RBMS3: variants seen among roughly 807,000 people sequenced by gnomAD.
RBMS3 encodes RNA-binding motif, single-stranded-interacting protein 3.
A neutral mutation model predicts 66.8 loss-of-function variants in RBMS3; 27 were observed. That is an observed-to-expected ratio of 0.40 (90% CI 0.30 to 0.56). The LOEUF (loss-of-function observed/expected upper bound fraction) is 0.56. Ranked by LOEUF, RBMS3 falls within the 20% of genes least tolerant of loss-of-function variation. The probability of loss-of-function intolerance (pLI) is 0.40; values close to 1 mark genes in which losing one functional copy is unlikely to be tolerated. For synonymous variants in RBMS3, 188 were observed against 183.0 expected (o/e 1.03, Z -0.22); for missense variants, 513 against 549.5 (o/e 0.93, Z 0.66).
chr3:29,572,396 C>T (rs1025150044), intron 3 of RBMS3, among the ~76,000 whole-genome samples: 3 of 151,994 alleles, frequency 2.0e-5, no homozygotes, highest in South Asian at 2.1e-4. Flanking sequence ...TAATACTAGT[C>T]ATGGGTCTGT....
chr3:29,841,738 T>C (rs2058668214), intron 6 of RBMS3, among the ~76,000 whole-genome samples: 1 of 152,080 alleles, frequency 6.6e-6, no homozygotes, highest in Non-Finnish European at 1.5e-5. Flanking sequence ...TTCTGTGGTT[T>C]CAAAAAGCTC....
chr3:29,477,480 C>T (rs2042986363), intron 2 of RBMS3, among the ~76,000 whole-genome samples: 1 of 148,948 alleles, frequency 6.7e-6, no homozygotes, highest in Non-Finnish European at 1.5e-5. Flanking sequence ...AACAAACAAA[C>T]AAAATTATGC....
intron 10 of RBMS3, among the ~76,000 whole-genome samples, chr3:29,901,006 A>C (rs1178632996): frequency 1.3e-5 from 2 of 151,458 alleles, no homozygotes; most frequent in African/African-American, 2.4e-5. Flanking sequence ...TGCTCCAAAC[A>C]TTTTGATAGT....
At chr3:29,774,487 A>G (rs1461530066) in intron 6 of RBMS3, among the ~76,000 whole-genome samples, 1 of 152,072 alleles carries the variant, frequency 6.6e-6, no homozygotes, top group Non-Finnish European at 1.5e-5. Flanking sequence ...AAATCTTAGC[A>G]AAGTGTACAA....
intron 2 of RBMS3, 99 bp from the exon 3 acceptor site, chr3:29,488,342 T>C: frequency 1.1e-6 from 1 of 933,596 alleles, no homozygotes; most frequent in Non-Finnish European, 1.6e-6. Context: ...TCTTGGTTTA[T>C]GCATGCTCAG....
At chr3:29,986,736 A>T in intron 12 of RBMS3, among the ~76,000 whole-genome samples, 1 of 152,318 alleles carries the variant, frequency 6.6e-6, no homozygotes, top group African/African-American at 2.4e-5. Context: ...TGAGGCCAAG[A>T]GTTCAGGACC....
chr3:29,472,607 G>A (rs532195595), intron 2 of RBMS3, among the ~76,000 whole-genome samples: 16 of 152,042 alleles, frequency 1.1e-4, no homozygotes, highest in Non-Finnish European at 1.3e-4. Context: ...TGGTGGGTTC[G>A]TGGTCTCACT....
chr3:29,907,184 A>G (rs898692390), intron 10 of RBMS3, among the ~76,000 whole-genome samples: 1 of 152,098 alleles, frequency 6.6e-6, no homozygotes, highest in Admixed American at 6.6e-5. Context: ...ATTCTTCATG[A>G]TGCTGTTTAG....
intron 3 of RBMS3, among the ~76,000 whole-genome samples, chr3:29,530,204 T>C (rs905866546): frequency 1.1e-4 from 17 of 152,150 alleles, no homozygotes; most frequent in Non-Finnish European, 1.9e-4. Context: ...GTCTGAGAAA[T>C]AAATGCAAAC....
intron 4 of RBMS3, among the ~76,000 whole-genome samples, chr3:29,656,584 A>G (rs1185455336): frequency 2.0e-5 from 3 of 152,156 alleles, no homozygotes; most frequent in Non-Finnish European, 4.4e-5. Context: ...TCTGTATGCA[A>G]TATAATGTAA....
At chr3:29,995,389 G>A (rs997933196) in intron 14 of RBMS3, among the ~76,000 whole-genome samples, 109 of 152,246 alleles carry the variant, frequency 7.2e-4, no homozygotes, top group African/African-American at 2.2e-3. Context: ...GCAGGCCAAC[G>A]TTCAGATTCA....
chr3:29,477,923 G>A (rs2043006962), intron 2 of RBMS3, among the ~76,000 whole-genome samples: 1 of 152,038 alleles, frequency 6.6e-6, no homozygotes, highest in Non-Finnish European at 1.5e-5. Flanking sequence ...GCACCACGAT[G>A]CCTGGTTAAG....
At chr3:29,673,773 A>G (rs1484012098) in intron 4 of RBMS3, among the ~76,000 whole-genome samples, 2 of 152,142 alleles carry the variant, frequency 1.3e-5, no homozygotes, top group African/African-American at 4.8e-5. Context: ...TAGCCTACCA[A>G]CCAAAAAAGT....
chr3:29,814,070 G>A (rs965640981), intron 6 of RBMS3, among the ~76,000 whole-genome samples: 1 of 151,790 alleles, frequency 6.6e-6, no homozygotes, highest in East Asian at 1.9e-4. Flanking sequence ...GTTTTCAAAG[G>A]GAATGCTTCC....
At chr3:29,815,090 C>T (rs2057845703) in intron 6 of RBMS3, among the ~76,000 whole-genome samples, 2 of 152,072 alleles carry the variant, frequency 1.3e-5, no homozygotes, top group African/African-American at 2.4e-5. Context: ...ATTAGCTTAC[C>T]TTCATTTTCT....
chr3:29,449,504 G>A (rs926671463), intron 2 of RBMS3, among the ~76,000 whole-genome samples: 2 of 152,146 alleles, frequency 1.3e-5, no homozygotes, highest in Non-Finnish European at 2.9e-5. Context: ...ACAACCAAAT[G>A]TTCTTACTAT....
chr3:29,411,842 G>T (rs915275954), intron 1 of RBMS3, among the ~76,000 whole-genome samples: 6 of 152,104 alleles, frequency 3.9e-5, no homozygotes, highest in African/African-American at 1.4e-4. Context: ...AGTTTTTATT[G>T]TTTCAAACAC....
chr3:29,846,049 CT>C (rs1363576327), intron 6 of RBMS3, among the ~76,000 whole-genome samples: 1 of 151,442 alleles, frequency 6.6e-6, no homozygotes, highest in Non-Finnish European at 1.5e-5. Flanking sequence ...AAGTAGTGAC[CT>C]TTTTGTCTAT....
At chr3:29,604,201 T>C (rs2048244199) in intron 4 of RBMS3, among the ~76,000 whole-genome samples, 1 of 152,004 alleles carries the variant, frequency 6.6e-6, no homozygotes, top group Admixed American at 6.6e-5. Flanking sequence ...ATTTTCTTGC[T>C]CTCCATAATT....
Sources: allele counts gnomAD v4.1 joint callset (sites outside exome capture counted in the v4.1 genomes callset), GRCh38; gene constraint gnomAD v4.1.1; transcripts MANE v1.5; gene names NCBI Gene and HGNC (gene_info 2026-07-23, HGNC 2026-07-21).